The following CYTH2 variants were observed in gnomAD, a reference collection of about 807,000 sequenced individuals.
The protein encoded by CYTH2 is cytohesin-2.
Under a neutral mutation model 55.4 loss-of-function variants are expected in CYTH2, and 24 were observed. That is an observed-to-expected ratio of 0.43 (90% CI 0.31 to 0.61). The LOEUF is 0.61. Among genes scored for constraint, CYTH2 ranks in the 20% least tolerant of loss-of-function variants. The probability of loss-of-function intolerance (pLI) is 0.08; values close to 1 mark genes in which losing one functional copy is unlikely to be tolerated. For synonymous variants in CYTH2, 221 were observed against 209.6 expected (o/e 1.05, Z -0.47); for missense variants, 378 against 533.5 (o/e 0.71, Z 2.87).
intron 8 of CYTH2, chr19:48,476,133 G>A: frequency 2.3e-6 from 1 of 433,388 alleles, no homozygotes; most frequent in Admixed American, 2.6e-5. Context: ...GGGTTTCCTG[G>A]TAAATGTAAA....
intron 2 of CYTH2, 40 bp from the exon 3 acceptor site, chr19:48,470,563 A>G: frequency 6.2e-7 from 1 of 1,614,174 alleles, no homozygotes. Context: ...ATGCCCAGGC[A>G]TTGACCCTCC....
intron 4 of CYTH2, chr19:48,472,749 C>T (rs1448874302): frequency 3.1e-5 from 13 of 419,054 alleles, no homozygotes; most frequent in South Asian, 2.0e-4. Flanking sequence ...GCTTGAGAAC[C>T]GTGGGTAGAC....
In CYTH2 at chr19:48,469,500, T is replaced by A. The variant is rs1242629622; in HGVS notation, c.-8T>A. ...GCCCCGGATTCCCCGCGGGCCTTCC[T>A]AGCCGCCATGGAGGACGGCGTCTAT... On this transcript the variant is annotated 5_prime_UTR_variant, in exon 1 of 12. Transcript: ENST00000452733. 9.8e-6 allele frequency: 13 copies of A among 1,330,454 alleles called. No individual in the cohort carries two copies. The South Asian group carries it at 2.6e-4, about 27-fold the overall frequency. 82.4% of individuals were successfully genotyped at this position (1,330,454 alleles called of 1,614,324 possible).
In CYTH2 at chr19:48,473,978, C is replaced by G; in HGVS notation, c.508C>G (p.Arg170Gly). The G allele has an allele frequency of 1.2e-6, 2 of 1,613,588 alleles. No homozygotes were observed. The highest frequency in any genetic ancestry group is 1.7e-6 in the Non-Finnish European group (2 of 1,179,768). The change falls in exon 6 of 12, where the codon CGA (arginine) becomes GGA (glycine). Residue 170 changes from arginine (R) to glycine (G), a missense_variant. Coordinates refer to ENST00000452733, the MANE Select transcript of CYTH2 (RefSeq NM_004228.7). ...CCGGATGATGGAGGCCTTCGCCCAG[C>G]GATACTGCCTGTGCAACCCTGGGGT... Reference protein sequence around the residue: ...IDRMMEAFAQRYCLCNPGVFQ... With the variant: ...IDRMMEAFAQGYCLCNPGVFQ...
intron 8 of CYTH2, chr19:48,475,911 GAC>G: frequency 2.3e-6 from 1 of 427,262 alleles, no homozygotes; most frequent in Non-Finnish European, 4.7e-6. Context: ...GCTCCAGAGA[GAC>G]ACATCTGGGC....
chr19:48,472,471 G>GCCCCCCCCCACCC, intron 4 of CYTH2, 28 bp downstream of exon 4: 2 of 1,584,680 alleles, frequency 1.3e-6, no homozygotes, highest in Non-Finnish European at 8.6e-7. Flanking sequence ...CTCCTGTGGG[G>GCCCCCCCCCACCC]CCCCTCCCTC....
chr19:48,473,474 C>T, intron 5 of CYTH2, 96 bp downstream of exon 5: 1 of 1,325,548 alleles, frequency 7.5e-7, no homozygotes, highest in South Asian at 1.2e-5. Context: ...AAAACAGAAA[C>T]AAGCAAAACA....
chr19:48,471,565 C>G (rs970862538), intron 3 of CYTH2, among the ~76,000 whole-genome samples: 1 of 152,264 alleles, frequency 6.6e-6, no homozygotes, highest in Admixed American at 6.5e-5. Flanking sequence ...GCTCAGAGAG[C>G]CCTTGGACAC....
intron 4 of CYTH2, chr19:48,472,831 G>C: frequency 5.6e-6 from 2 of 356,130 alleles, no homozygotes; most frequent in Non-Finnish European, 1.1e-5. Context: ...GGGAGCTTAG[G>C]AGTTGTGGGG....
Position 48,474,384 on chromosome 19 carries a change from C to T in CYTH2, c.696+54C>T. On this transcript the variant is annotated intron_variant, in intron 7 of 11. Coordinates refer to ENST00000452733, the MANE Select transcript of CYTH2 (RefSeq NM_004228.7). This position sits in a 1 kb window ranked among gnomAD's most constrained non-coding sequence, Gnocchi z 4.9. ...CTGCCCCTCTTCCTGCCACAGACAC[C>T]CCCGCCCCACCTGTGGTCTCCTAGT... 2 of 1,521,194 alleles carry T rather than the reference C, an allele frequency of 1.3e-6. No individual in the cohort carries two copies. Among genetic ancestry groups the T allele is most frequent in the Non-Finnish European group, 1.8e-6 (2 of 1,133,670 alleles). 94.2% of individuals were successfully genotyped at this position (1,521,194 alleles called of 1,614,324 possible).
In CYTH2 at chr19:48,481,033, C is replaced by T. The variant is rs544104783; in HGVS notation, c.*1823C>T. The T allele has an allele frequency of 5.2e-5, 8 of 152,504 alleles. No homozygotes were observed. The highest frequency in any genetic ancestry group is 1.9e-4 in the African/African-American group (8 of 41,590). The allele number at this position is 152,504 out of a possible 1,614,324, so 9.4% of individuals were successfully genotyped here. ...GGCTGGATTCTTAGCAGATGGAAGC[C>T]GTGCAAGGGCAGGAGGCAGGGGCCT... is the stretch of plus-strand genomic sequence containing the variant. On this transcript the variant is annotated 3_prime_UTR_variant, in exon 12 of 12. Transcript: ENST00000452733.
intron 8 of CYTH2, 65 bp downstream of exon 8, chr19:48,475,014 C>A: frequency 1.4e-6 from 2 of 1,457,474 alleles, no homozygotes; most frequent in Middle Eastern, 1.7e-4. Context: ...GGGCCCTGGA[C>A]TCAGCTTCCG....
intron 1 of CYTH2, 146 bp from the exon 2 acceptor site, chr19:48,470,207 A>G (rs1011374442): frequency 1.4e-5 from 17 of 1,225,038 alleles, no homozygotes; most frequent in South Asian, 2.9e-5. Context: ...CTCTGCAGGG[A>G]GGAATCCAGG....
At chr19:48,473,860 C>T in intron 5 of CYTH2, 45 bp from the exon 6 acceptor site, 1 of 1,479,518 alleles carries the variant, frequency 6.8e-7, no homozygotes, top group South Asian at 1.3e-5. Context: ...TGGGGACAGG[C>T]TCCCACCAGC....
intron 4 of CYTH2, chr19:48,472,987 A>T (rs1971835096): frequency 2.0e-5 from 7 of 357,444 alleles, no homozygotes; most frequent in Non-Finnish European, 3.7e-5. Context: ...CTGTGTCTGG[A>T]TACCTGGGGA....
chr19:48,470,758 C>A, intron 3 of CYTH2, 89 bp downstream of exon 3: 2 of 1,439,274 alleles, frequency 1.4e-6, no homozygotes, highest in South Asian at 1.2e-5. Context: ...GTGATGGTGC[C>A]GGGTCTATTC....
intron 1 of CYTH2, 139 bp downstream of exon 1, chr19:48,469,665 G>A: frequency 7.7e-7 from 1 of 1,296,648 alleles, no homozygotes; most frequent in African/African-American, 1.6e-5. Context: ...CGCTTTTGTT[G>A]GGCGCTGGAC....
At position 48,478,077 on chromosome 19, in the gene CYTH2, G is replaced by T. The variant is rs563715406; in HGVS notation, c.817G>T (p.Val273Leu). The T allele has an allele frequency of 9.3e-6, 15 of 1,614,080 alleles. No individual in the cohort carries two copies. The highest frequency in any genetic ancestry group is 1.3e-5 in the African/African-American group (1 of 75,058). ...EGWLLKLGGR[V>L]KTWKRRWFIL... ...CACCCCTTCCCTTTCAGGGGGCCGGGTGAAGACGTGGAAGCGGCGCTGGTT... is the reference window on the plus strand; with the variant it reads ...CACCCCTTCCCTTTCAGGGGGCCGGTTGAAGACGTGGAAGCGGCGCTGGTT... Residue 273 changes from valine to leucine, a missense_variant, in exon 9 of 12, where the codon GTG becomes TTG. By Grantham distance (32) the Val-to-Leu change is conservative (BLOSUM62 1). Transcript: ENST00000452733.
intron 8 of CYTH2, chr19:48,477,009 C>T (rs1024339164): frequency 1.3e-5 from 2 of 152,276 alleles, no homozygotes; most frequent in Non-Finnish European, 2.9e-5. Flanking sequence ...CAAAGGGCCT[C>T]TGTTCCCTTT....
Sources: gnomAD v4.1 joint callset for allele counts (sites outside exome capture counted in the v4.1 genomes callset) on GRCh38, gnomAD v4.1.1 for gene constraint, Gnocchi (gnomAD v3.1) non-coding constraint, MANE v1.5 for transcripts, NCBI Gene and HGNC (gene_info 2026-07-23, HGNC 2026-07-21) for gene names.